Variants in ELL observed in about 807,000 individuals in gnomAD.
ELL encodes the protein elongation factor for RNA polymerase II.
ELL carries 18 observed loss-of-function variants against 64.0 expected under a neutral mutation model. That is an observed-to-expected ratio of 0.28 (90% CI 0.19 to 0.42). ELL has a LOEUF of 0.42. Among genes scored for constraint, ELL ranks in the 10% least tolerant of loss-of-function variants. ELL has a pLI of 1.00. For missense variants in ELL, 797 were observed against 870.4 expected, an observed-to-expected ratio of 0.92 and a Z score of 1.06; for synonymous variants, 399 against 376.2, an observed-to-expected ratio of 1.06 and a Z score of -0.70.
At chr19:18,507,035 G>A (rs1262242062) in intron 1 of ELL, among the ~76,000 whole-genome samples, 1 of 152,168 alleles carries the variant, frequency 6.6e-6, no homozygotes, top group Non-Finnish European at 1.5e-5. Flanking sequence ...ACAGGTAAGA[G>A]AGCCAGGGCA....
intron 1 of ELL, among the ~76,000 whole-genome samples, chr19:18,516,178 A>C (rs558674092): frequency 6.6e-6 from 1 of 152,180 alleles, no homozygotes; most frequent in East Asian, 1.9e-4. Flanking sequence ...CACCGGTGCC[A>C]AGGGTGACAT....
chr19:18,468,823 G>A (rs1041782132), intron 2 of ELL, among the ~76,000 whole-genome samples: 4 of 152,232 alleles, frequency 2.6e-5, no homozygotes, highest in Non-Finnish European at 4.4e-5. Flanking sequence ...TGGCTTCAGG[G>A]GAGATGCCAC....
chr19:18,507,798 C>T (rs978396238), intron 1 of ELL, among the ~76,000 whole-genome samples: 1 of 152,190 alleles, frequency 6.6e-6, no homozygotes. Context: ...AGGCTCAGCT[C>T]AGAGACTGCA....
intron 1 of ELL, among the ~76,000 whole-genome samples, chr19:18,482,794 T>C (rs12984742): frequency 3.3e-4 from 49 of 150,178 alleles, no homozygotes; most frequent in East Asian, 2.5e-3. Context: ...GTTGTTGTTG[T>C]TGCTGCTGTT....
intron 1 of ELL, among the ~76,000 whole-genome samples, chr19:18,486,607 G>A (rs1975423027): frequency 6.6e-6 from 1 of 152,180 alleles, no homozygotes; most frequent in Non-Finnish European, 1.5e-5. Context: ...CCTTTCACGG[G>A]GCCCCTGTGT....
intron 1 of ELL, among the ~76,000 whole-genome samples, chr19:18,482,308 C>CTTTTTTTTTTTTTTT (rs530594631): frequency 1.3e-5 from 1 of 77,578 alleles, no homozygotes; most frequent in African/African-American, 6.5e-5. Flanking sequence ...CTTTTCATTC[C>CTTTTTTTTTTTTTTT]TTTTTTTTTT....
Position 18,461,776 on chromosome 19 carries a change from G to C in ELL, c.546C>G (p.Ile182Met), listed in dbSNP as rs1456602540. The part of the protein sequence containing the change: ...AVPSRKRATP[I>M]NLASAIRKSG... ...TCTTCCTGATGGCACTCGCCAAGTT[G>C]ATGGGGGTTGCCCGCTTCCGGGAGG... The change falls in exon 5 of 12, where the codon ATC (isoleucine) becomes ATG (methionine). Residue 182 changes from isoleucine to methionine, a missense_variant. Coordinates refer to ENST00000262809, the MANE Select transcript of ELL (RefSeq NM_006532.4). 1 of 1,614,028 alleles carries C rather than the reference G, an allele frequency of 6.2e-7. No individual in the cohort carries two copies. The highest frequency in any genetic ancestry group is 8.5e-7 in the Non-Finnish European group (1 of 1,180,058).
intron 1 of ELL, among the ~76,000 whole-genome samples, chr19:18,521,373 G>A (rs1359178535): frequency 6.6e-6 from 1 of 152,078 alleles, no homozygotes; most frequent in African/African-American, 2.4e-5. Flanking sequence ...GCCCCCAGCT[G>A]CAAAGCCTTC....
intron 2 of ELL, among the ~76,000 whole-genome samples, chr19:18,469,437 G>A (rs990244731): frequency 6.6e-6 from 1 of 152,224 alleles, no homozygotes; most frequent in Non-Finnish European, 1.5e-5. Flanking sequence ...GAGCTTGCCC[G>A]GGTTCTGGGA....
chr19:18,473,459 G>A (rs1398496027), intron 1 of ELL, among the ~76,000 whole-genome samples: 1 of 152,202 alleles, frequency 6.6e-6, no homozygotes, highest in Non-Finnish European at 1.5e-5. Flanking sequence ...CAGGTGCGGT[G>A]GGGCCACCTT....
chr19:18,487,177 T>C (rs1051885380), intron 1 of ELL, among the ~76,000 whole-genome samples: 6 of 152,156 alleles, frequency 3.9e-5, no homozygotes, highest in Admixed American at 6.5e-5. Flanking sequence ...ATTGCCCATA[T>C]GGGCTGGCAT....
intron 1 of ELL, among the ~76,000 whole-genome samples, chr19:18,486,868 G>T (rs1490371982): frequency 6.6e-6 from 1 of 152,154 alleles, no homozygotes; most frequent in Admixed American, 6.5e-5. Flanking sequence ...TGCAACCTGG[G>T]AGCTGCCACA....
chr19:18,498,115 G>A lies in ELL; in HGVS notation c.135+23806C>T, dbSNP rs372005766. Among the ~76,000 whole-genome samples, 16 of 151,302 alleles carry A rather than the reference G, an allele frequency of 1.1e-4. No homozygotes were observed. The East Asian group carries it at 2.5e-3, about 24-fold the overall frequency. On this transcript the variant is annotated intron_variant, in intron 1 of 11. Coordinates refer to ENST00000262809, the MANE Select transcript of ELL (RefSeq NM_006532.4). Reference sequence around the variant, plus strand: ...GCACTCCATCCTGGGCAACAAGAGCGAAACTTGGTCTCAAAAAAAAAAAAA... The same window carrying A: ...GCACTCCATCCTGGGCAACAAGAGCAAAACTTGGTCTCAAAAAAAAAAAAA...
chr19:18,522,060 C>T lies in ELL; in HGVS notation c.-5G>A, dbSNP rs376022149. On this transcript the variant is annotated 5_prime_UTR_variant, in exon 1 of 12. Transcript: ENST00000262809. ...ATCCTCCTTCAGCGCCGCCATCTTG[C>T]GACCATCTCTCCCCCGCGCCCCCTT... 1 of 1,599,468 alleles carries T rather than the reference C, an allele frequency of 6.3e-7. No individual in the cohort carries two copies. Among genetic ancestry groups the T allele is most frequent in the Non-Finnish European group, 8.5e-7 (1 of 1,171,812 alleles).
chr19:18,461,536 C>T (rs201833275), intron 5 of ELL, 42 bp downstream of exon 5: 27 of 1,560,464 alleles, frequency 1.7e-5, no homozygotes, highest in Non-Finnish European at 2.2e-5. Context: ...AGACCATCTG[C>T]GGAGACCACT....
intron 1 of ELL, among the ~76,000 whole-genome samples, chr19:18,518,329 G>T (rs537559771): frequency 2.0e-5 from 3 of 150,598 alleles, no homozygotes; most frequent in Non-Finnish European, 4.4e-5. Flanking sequence ...GTGAGACCCC[G>T]TCTCTACAAA....
chr19:18,502,192 A>T (rs1034720539), intron 1 of ELL, among the ~76,000 whole-genome samples: 3 of 152,134 alleles, frequency 2.0e-5, no homozygotes, highest in Non-Finnish European at 2.9e-5. Flanking sequence ...CAGATAGCCC[A>T]TTGAGGACGC....
chr19:18,451,531 C>T, intron 7 of ELL, 21 bp downstream of exon 7: 7 of 1,471,522 alleles, frequency 4.8e-6, no homozygotes, highest in South Asian at 1.3e-5. Context: ...GGGACAGTCA[C>T]CCCAGGCATG....
At chr19:18,488,639 C>T (rs960717341) in intron 1 of ELL, among the ~76,000 whole-genome samples, 3 of 152,192 alleles carry the variant, frequency 2.0e-5, no homozygotes, top group African/African-American at 2.4e-5. Context: ...CTTCTATGGA[C>T]CGGGCTGTGC....
Sources: gnomAD v4.1 joint callset for allele counts (sites outside exome capture counted in the v4.1 genomes callset) on GRCh38, gnomAD v4.1.1 for gene constraint, MANE v1.5 for transcripts, NCBI Gene and HGNC (gene_info 2026-07-23, HGNC 2026-07-21) for gene names.